Variants in ASB17 observed in about 807,000 individuals in gnomAD.
ASB17 encodes ankyrin repeat and SOCS box protein 17.
Under a neutral mutation model 25.7 loss-of-function variants are expected in ASB17, and 26 were observed. That is an observed-to-expected ratio of 1.01 (90% CI 0.74 to 1.40). The LOEUF (loss-of-function observed/expected upper bound fraction) is 1.40, where lower values mean the gene tolerates loss of function less well. Among genes scored for constraint, ASB17 ranks in the 40% most tolerant of loss-of-function variants. The pLI is 0.00. For missense variants in ASB17, 326 were observed against 338.5 expected (o/e 0.96, Z 0.29); for synonymous variants, 128 against 121.4 (o/e 1.05, Z -0.36).
intron 1 of ASB17, among the ~76,000 whole-genome samples, chr1:75,930,710 T>C (rs577185772): frequency 5.3e-5 from 8 of 152,260 alleles, no homozygotes; most frequent in African/African-American, 1.9e-4. Context: ...CTTTGTTTCA[T>C]TTTCTGTCCA....
intron 1 of ASB17, among the ~76,000 whole-genome samples, chr1:75,924,572 T>C (rs1653118752): frequency 6.6e-6 from 1 of 152,112 alleles, no homozygotes; most frequent in Non-Finnish European, 1.5e-5. Context: ...AGGATATATA[T>C]GTTTGTATAT....
intron 1 of ASB17, among the ~76,000 whole-genome samples, chr1:75,924,205 G>A (rs1653108622): frequency 6.6e-6 from 1 of 152,148 alleles, no homozygotes; most frequent in Non-Finnish European, 1.5e-5. Flanking sequence ...AGCAGAACTA[G>A]CTATAGAAGA....
chr1:75,921,671 GA>G (rs1653031334), intron 2 of ASB17, among the ~76,000 whole-genome samples: 1 of 152,074 alleles, frequency 6.6e-6, no homozygotes, highest in African/African-American at 2.4e-5. Flanking sequence ...TTGAGAACTT[GA>G]ATGGAAAAAA....
chr1:75,929,499 G>A (rs1264445063), intron 1 of ASB17, among the ~76,000 whole-genome samples: 2 of 152,102 alleles, frequency 1.3e-5, no homozygotes, highest in Admixed American at 6.5e-5. Context: ...GATTACAGGC[G>A]TGAGCCATCG....
intron 2 of ASB17, among the ~76,000 whole-genome samples, chr1:75,919,412 T>A (rs1652969533): frequency 6.6e-6 from 1 of 152,052 alleles, no homozygotes; most frequent in Non-Finnish European, 1.5e-5. Context: ...ATACTTTAAG[T>A]TTTAGGGTAC....
rs142507218 is a variant in ASB17 at position 75,922,961 on chromosome 1, G to A, written c.402-602C>T. Among the ~76,000 whole-genome samples the A allele has an allele frequency of 4.6e-3, 703 of 152,264 alleles. 4 individuals are homozygous for A. The highest frequency in any genetic ancestry group is 0.016 in the African/African-American group (670 of 41,548). ...ACTTTTAGTCATAGCAATTCTAGTT[G>A]AGAAATCTGTACTGCTTAGGACAGT... is the stretch of plus-strand genomic sequence containing the variant. On this transcript the variant is annotated intron_variant, in intron 1 of 2. Transcript: ENST00000284142.
intron 1 of ASB17, among the ~76,000 whole-genome samples, chr1:75,927,372 T>C (rs1370948446): frequency 6.6e-6 from 1 of 152,160 alleles, no homozygotes; most frequent in Non-Finnish European, 1.5e-5. Flanking sequence ...ATCTGAAGAT[T>C]AACTCTTTCT....
At chr1:75,929,203 ATT>A (rs201757257) in intron 1 of ASB17, among the ~76,000 whole-genome samples, 6 of 150,310 alleles carry the variant, frequency 4.0e-5, no homozygotes, top group Non-Finnish European at 7.4e-5. Context: ...TAGGGTTTTT[ATT>A]TTTTTTTATT....
chr1:75,931,415 G>T (rs1653318342), intron 1 of ASB17, among the ~76,000 whole-genome samples: 5 of 152,096 alleles, frequency 3.3e-5, no homozygotes, highest in Admixed American at 1.3e-4. Context: ...CCTTCATTGT[G>T]CTCAAATTTG....
At chr1:75,929,434 T>A (rs1422132749) in intron 1 of ASB17, among the ~76,000 whole-genome samples, 1 of 151,572 alleles carries the variant, frequency 6.6e-6, no homozygotes, top group Non-Finnish European at 1.5e-5. Context: ...GGTTTCACCA[T>A]GGTCTCGATC....
chr1:75,919,115 A>C lies in ASB17; in HGVS notation c.725T>G (p.Phe242Cys), dbSNP rs755293113. Reference protein sequence around the residue: ...LGRHPIISNWFDYIPSTRYKD... With the variant: ...LGRHPIISNWCDYIPSTRYKD... ...GTATCTTGTTGAAGGAATGTAATCA[A>C]ACCAATTTGAAATAATTGGATGTCT... The change falls in exon 3 of 3, where the codon TTT becomes TGT. Residue 242 changes from phenylalanine to cysteine, a missense_variant. By Grantham distance (205) the Phe-to-Cys change is radical. Coordinates refer to ENST00000284142, the MANE Select transcript of ASB17 (RefSeq NM_080868.3). 1.2e-6 allele frequency: 2 copies of C among 1,613,100 alleles called. No homozygotes were observed. Among genetic ancestry groups the C allele is most frequent in the Admixed American group, 3.3e-5 (2 of 60,006 alleles).
rs982232772 is a variant in ASB17 at position 75,920,028 on chromosome 1, T to C, written c.682-870A>G. ...AGAGTAGTAACGGTCAACTTAGCCA[T>C]ATAGAATTATCTGGGAGACTGTAAA... On this transcript the variant is annotated intron_variant, in intron 2 of 2. Coordinates refer to ENST00000284142, the MANE Select transcript of ASB17 (RefSeq NM_080868.3). Among the ~76,000 whole-genome samples the C allele has an allele frequency of 2.0e-5, 3 of 152,182 alleles. No individual in the cohort carries two copies. The South Asian group carries it at 6.2e-4, about 32-fold the overall frequency.
intron 1 of ASB17, among the ~76,000 whole-genome samples, chr1:75,925,891 T>C (rs1311550879): frequency 6.6e-6 from 1 of 152,222 alleles, no homozygotes; most frequent in African/African-American, 2.4e-5. Context: ...CTTAAAACTA[T>C]GTTTTCCTTT....
At chr1:75,928,416 AT>A (rs1291017042) in intron 1 of ASB17, among the ~76,000 whole-genome samples, 1 of 152,154 alleles carries the variant, frequency 6.6e-6, no homozygotes, top group Non-Finnish European at 1.5e-5. Context: ...TGGCATTTAG[AT>A]GTTTTTTGCA....
At chr1:75,924,280 A>G (rs185467916) in intron 1 of ASB17, among the ~76,000 whole-genome samples, 5 of 152,294 alleles carry the variant, frequency 3.3e-5, no homozygotes, top group Admixed American at 2.6e-4. Flanking sequence ...AAACTAAGAA[A>G]AAAGAGTTTT....
intron 1 of ASB17, among the ~76,000 whole-genome samples, chr1:75,929,463 C>A (rs1199261076): frequency 2.6e-5 from 4 of 152,036 alleles, no homozygotes; most frequent in Non-Finnish European, 5.9e-5. Flanking sequence ...TCGTGATCCG[C>A]CCGCCTCAGC....
At chr1:75,928,667 C>A (rs1429230858) in intron 1 of ASB17, among the ~76,000 whole-genome samples, 1 of 152,176 alleles carries the variant, frequency 6.6e-6, no homozygotes, top group Non-Finnish European at 1.5e-5. Context: ...AGAGAGTTAG[C>A]AGACTGATCT....
rs1571021869 is a variant in ASB17 at position 75,932,096 on chromosome 1, G to A, written c.196C>T (p.Leu66=). 1 of 1,614,078 alleles carries A rather than the reference G, an allele frequency of 6.2e-7. No individual in the cohort carries two copies. Residue 66 remains leucine (L), a synonymous_variant, in exon 1 of 3, where the codon CTA becomes TTA. Transcript: ENST00000284142. The part of the protein sequence containing the change: ...RYVDLDGFDA[L]LTDYIAFVEK... The stretch of plus-strand genomic sequence containing the variant: ...ACAAATGCAATGTAATCTGTGAGTA[G>A]TGCGTCAAAACCATCCAAGTCCACA...
At position 75,922,182 on chromosome 1, in the gene ASB17, TCTTA is replaced by T. The variant is rs778161358; in HGVS notation, c.575_578del (p.Val192GlufsTer2). On this transcript the variant is annotated frameshift_variant, in exon 2 of 3. Transcript: ENST00000284142. LOFTEE classifies it high-confidence loss of function. Reference sequence around the variant, plus strand: ...CAGCCAATTCACGATCAACCATTACTCTTACTCTCGAAGGGTAGAGTACTATTGT... The same window carrying T: ...CAGCCAATTCACGATCAACCATTACTCTCTCGAAGGGTAGAGTACTATTGT... 9.3e-6 allele frequency: 15 copies of T among 1,613,740 alleles called. No homozygotes were observed.
Sources: gnomAD v4.1 joint callset for allele counts (sites outside exome capture counted in the v4.1 genomes callset) on GRCh38, gnomAD v4.1.1 for gene constraint, MANE v1.5 for transcripts, NCBI Gene and HGNC (gene_info 2026-07-23, HGNC 2026-07-21) for gene names.